HCFC2: variants seen among roughly 807,000 people sequenced by gnomAD.
HCFC2 encodes the protein host cell factor 2.
HCFC2 carries 18 observed loss-of-function variants against 89.2 expected under a neutral mutation model. That is an observed-to-expected ratio of 0.20 (90% confidence interval 0.14 to 0.30). HCFC2 has a LOEUF of 0.30. Ranked by LOEUF, HCFC2 falls within the 10% of genes least tolerant of loss-of-function variation. The probability of loss-of-function intolerance (pLI) is 1.00; values close to 1 mark genes in which losing one functional copy is unlikely to be tolerated. For synonymous variants in HCFC2, 308 were observed against 335.7 expected (o/e 0.92, Z 0.90); for missense variants, 578 against 956.1 (o/e 0.60, Z 5.21).
In HCFC2 at chr12:104,068,443, A is replaced by T. The variant is rs186596749; in HGVS notation, c.473+336A>T. Among the ~76,000 whole-genome samples the T allele has an allele frequency of 3.9e-5, 6 of 152,358 alleles. No individual in the cohort carries two copies. The highest frequency in any genetic ancestry group is 1.2e-4 in the African/African-American group (5 of 41,584). ...ATGCATTTTAGCTGCCTCATAAATGATAATGAAAAGTAACAGATGGTTATT... is the reference window on the plus strand; with the variant it reads ...ATGCATTTTAGCTGCCTCATAAATGTTAATGAAAAGTAACAGATGGTTATT... On this transcript the variant is annotated intron_variant, in intron 3 of 14. Transcript: ENST00000229330. This position sits in a 1 kb window ranked among gnomAD's most constrained non-coding sequence, Gnocchi z 4.1.
Position 104,104,796 on chromosome 12 carries a change from C to T in HCFC2, c.*1523C>T, listed in dbSNP as rs2030045006. The T allele has an allele frequency of 6.6e-6, 1 of 151,984 alleles. No homozygotes were observed. The highest frequency in any genetic ancestry group is 1.9e-4 in the East Asian group (1 of 5,200). The allele number at this position is 151,984 out of a possible 1,614,324, so 9.4% of individuals were successfully genotyped here. On this transcript the variant is annotated 3_prime_UTR_variant, in exon 15 of 15. Transcript: ENST00000229330. ...TGAAGAAAATATGCAAATTGTTAGA[C>T]ACATAATGAGTGGTTTCCAAACTCT...
chr12:104,094,111 G>T (rs1884108341), intron 10 of HCFC2, among the ~76,000 whole-genome samples: 1 of 152,130 alleles, frequency 6.6e-6, no homozygotes, highest in African/African-American at 2.4e-5. Context: ...ATAGGAGCAA[G>T]AACAGATTTT....
In HCFC2 at chr12:104,082,691, A is replaced by G. The variant is rs770471523; in HGVS notation, c.875-22A>G. The G allele has an allele frequency of 1.9e-6, 3 of 1,596,868 alleles. No individual in the cohort carries two copies. In the South Asian group the frequency reaches 3.4e-5, roughly 18 times the overall value. On this transcript the variant is annotated intron_variant, in intron 6 of 14. Coordinates refer to ENST00000229330, the MANE Select transcript of HCFC2 (RefSeq NM_013320.3). ...TTTTGTTAAGAACAAAAGATTAGTC[A>G]TGGATATTTCTATCTTTTCAGATAC...
chr12:104,103,497 G>T lies in HCFC2; in HGVS notation c.*224G>T. ...ATATGAGTTCTTCCTTACAGATATAGCTCTTTTATAAAGAAAAACAGTGAA... is the reference window on the plus strand; with the variant it reads ...ATATGAGTTCTTCCTTACAGATATATCTCTTTTATAAAGAAAAACAGTGAA... On this transcript the variant is annotated 3_prime_UTR_variant, in exon 15 of 15. Transcript: ENST00000229330. 1 of 473,368 alleles carries T rather than the reference G, an allele frequency of 2.1e-6. No individual in the cohort carries two copies. The highest frequency in any genetic ancestry group is 3.7e-6 in the Non-Finnish European group (1 of 268,330). The allele number at this position is 473,368 out of a possible 1,614,324, so 29.3% of individuals were successfully genotyped here.
Position 104,086,917 on chromosome 12 carries a change from T to C in HCFC2, c.1134T>C (p.Asp378=). The part of the protein sequence containing the change: ...ATTNSFHVKW[D]EVSTVEGYLL... ...CCAACTCCTTTCATGTCAAGTGGGA[T>C]GAAGTGTCTACAGTTGAGGGCTATC... is the stretch of plus-strand genomic sequence containing the variant. The change falls in exon 8 of 15, where the codon GAT becomes GAC. Residue 378 remains aspartate (D), a synonymous_variant. Transcript: ENST00000229330. The C allele has an allele frequency of 6.2e-7, 1 of 1,613,970 alleles. No individual in the cohort carries two copies. The highest frequency in any genetic ancestry group is 8.5e-7 in the Non-Finnish European group (1 of 1,179,882).
At chr12:104,072,270 G>C (rs192284152) in intron 3 of HCFC2, among the ~76,000 whole-genome samples, 4 of 152,090 alleles carry the variant, frequency 2.6e-5, no homozygotes, top group East Asian at 3.9e-4. Context: ...TACATGGGGG[G>C]CCAGAGCAGG....
chr12:104,090,551 T>C (rs1384541732), intron 9 of HCFC2, among the ~76,000 whole-genome samples: 1 of 152,116 alleles, frequency 6.6e-6, no homozygotes, highest in Non-Finnish European at 1.5e-5. Flanking sequence ...CTGTTTTCTC[T>C]GTGTATTCCA....
At chr12:104,077,154 A>G (rs1377352996) in intron 3 of HCFC2, among the ~76,000 whole-genome samples, 1 of 151,992 alleles carries the variant, frequency 6.6e-6, no homozygotes, top group Non-Finnish European at 1.5e-5. Context: ...TCCAACGTGT[A>G]CTAAACTTTT....
intron 8 of HCFC2, among the ~76,000 whole-genome samples, chr12:104,087,501 ACATACACTG>A (rs1883905110): frequency 6.7e-6 from 1 of 148,704 alleles, no homozygotes; most frequent in East Asian, 1.9e-4. Flanking sequence ...ATATATACAC[ACATACACTG>A]CAGAAAAGTC....
chr12:104,075,457 C>CTTTTT (rs35657094), intron 3 of HCFC2, among the ~76,000 whole-genome samples: 1 of 118,074 alleles, frequency 8.5e-6, no homozygotes, highest in Non-Finnish European at 1.7e-5. Context: ...TGTTCCTAAC[C>CTTTTT]TTTTTTTTTT....
chr12:104,102,249 A>C (rs1025664731), intron 14 of HCFC2, 96 bp downstream of exon 14: 1 of 1,047,872 alleles, frequency 9.5e-7, no homozygotes. Context: ...GTTACCATCT[A>C]ATGAAATGAG....
At chr12:104,087,951 G>C in intron 8 of HCFC2, 35 bp from the exon 9 acceptor site, 1 of 1,338,234 alleles carries the variant, frequency 7.5e-7, no homozygotes, top group South Asian at 1.4e-5. Context: ...AGCTAGTTAA[G>C]AGCATATCAG....
At chr12:104,065,539 T>G (rs1442175842) in intron 1 of HCFC2, among the ~76,000 whole-genome samples, 1 of 152,274 alleles carries the variant, frequency 6.6e-6, no homozygotes, top group Non-Finnish European at 1.5e-5. Flanking sequence ...ATAACTTTTC[T>G]TTGATCAAAC....
intron 9 of HCFC2, among the ~76,000 whole-genome samples, chr12:104,089,784 C>T (rs908882337): frequency 6.6e-6 from 1 of 152,160 alleles, no homozygotes; most frequent in Non-Finnish European, 1.5e-5. Context: ...CTTTTTCATG[C>T]AACTTTGTTT....
At chr12:104,065,587 A>C (rs1160339143) in intron 1 of HCFC2, among the ~76,000 whole-genome samples, 1 of 152,222 alleles carries the variant, frequency 6.6e-6, no homozygotes, top group Non-Finnish European at 1.5e-5. Flanking sequence ...TTAACAAAAT[A>C]GTGGAGTCTG....
Position 104,066,270 on chromosome 12 carries a change from A to C in HCFC2, c.267A>C (p.Gly89=). 6.2e-7 allele frequency: 1 copy of C among 1,610,618 alleles called. No individual in the cohort carries two copies. The highest frequency in any genetic ancestry group is 8.5e-7 in the Non-Finnish European group (1 of 1,178,266). Residue 89 remains glycine (G), a synonymous_variant, in exon 2 of 15, where the codon GGA becomes GGC. Transcript: ENST00000229330. The part of the protein sequence containing the change: ...CDGTRILVFG[G]MVEYGRYSNE... Reference sequence around the variant, plus strand: ...GTACCAGAATATTAGTATTTGGGGGAATGGTTGAATATGGAAGATACAGCA... The same window carrying C: ...GTACCAGAATATTAGTATTTGGGGGCATGGTTGAATATGGAAGATACAGCA...
At chr12:104,074,258 C>T (rs1345737748) in intron 3 of HCFC2, among the ~76,000 whole-genome samples, 1 of 152,150 alleles carries the variant, frequency 6.6e-6, no homozygotes, top group Non-Finnish European at 1.5e-5. Context: ...CCTGCCTCAG[C>T]CTCTTGAGTA....
In HCFC2 at chr12:104,105,322, G is replaced by C. The variant is rs1055139517; in HGVS notation, c.*2049G>C. The C allele has an allele frequency of 2.6e-5, 4 of 152,128 alleles. No homozygotes were observed. Among genetic ancestry groups the C allele is most frequent in the African/African-American group, 9.6e-5 (4 of 41,562 alleles). The allele number at this position is 152,128 out of a possible 1,614,324, so 9.4% of individuals were successfully genotyped here. ...TCTTCTCTGCATTAATTAACAACGT[G>C]CATCTTGAAGCCCTTCTCCTGATAA... On this transcript the variant is annotated 3_prime_UTR_variant, in exon 15 of 15. Coordinates refer to ENST00000229330, the MANE Select transcript of HCFC2 (RefSeq NM_013320.3).
At chr12:104,073,937 T>C (rs1020667006) in intron 3 of HCFC2, among the ~76,000 whole-genome samples, 10 of 152,224 alleles carry the variant, frequency 6.6e-5, no homozygotes, top group African/African-American at 1.7e-4. Flanking sequence ...GTAGCTTTCA[T>C]GTTGAAACAG....
Sources: allele counts gnomAD v4.1 joint callset (sites outside exome capture counted in the v4.1 genomes callset), GRCh38; gene constraint gnomAD v4.1.1; non-coding constraint Gnocchi (gnomAD v3.1); transcripts MANE v1.5; gene names NCBI Gene and HGNC (gene_info 2026-07-23, HGNC 2026-07-21).